The following ARPC1A variants were observed in gnomAD, a reference collection of about 807,000 sequenced individuals.
The protein encoded by ARPC1A is actin related protein 2/3 complex subunit 1A, also known as actin-related protein 2/3 complex subunit 1A.
A neutral mutation model predicts 46.9 loss-of-function variants in ARPC1A; 8 were observed. That is an observed-to-expected ratio of 0.17 (90% CI 0.10 to 0.31). The LOEUF is 0.31. ARPC1A is among the 10% of genes least tolerant of loss of function. ARPC1A has a pLI of 1.00. For synonymous variants in ARPC1A, 152 were observed against 169.0 expected, an observed-to-expected ratio of 0.90 and a Z score of 0.78; for missense variants, 286 against 483.6, an observed-to-expected ratio of 0.59 and a Z score of 3.83.
intron 3 of ARPC1A, among the ~76,000 whole-genome samples, chr7:99,338,991 G>A (rs1353771272): frequency 1.3e-5 from 2 of 152,150 alleles, no homozygotes; most frequent in Non-Finnish European, 2.9e-5. Context: ...AGAATATTGA[G>A]AAGAACAAAG....
intron 1 of ARPC1A, among the ~76,000 whole-genome samples, chr7:99,330,167 G>A (rs1793122453): frequency 6.6e-6 from 1 of 151,786 alleles, no homozygotes; most frequent in Non-Finnish European, 1.5e-5. Flanking sequence ...TTGCTTTCTC[G>A]ACTGTATAAA....
intron 6 of ARPC1A, 141 bp downstream of exon 6, chr7:99,354,262 C>T: frequency 1.0e-6 from 1 of 961,638 alleles, no homozygotes; most frequent in East Asian, 2.8e-5. Context: ...GTGGCTCACG[C>T]CTGTAATCCC....
intron 6 of ARPC1A, 81 bp from the exon 7 acceptor site, chr7:99,358,259 T>C: frequency 7.1e-7 from 1 of 1,399,676 alleles, no homozygotes; most frequent in Middle Eastern, 1.8e-4. Flanking sequence ...CCTGTGAGAA[T>C]GGGTCCTTTG....
intron 3 of ARPC1A, among the ~76,000 whole-genome samples, chr7:99,342,716 CTTTTTTT>C (rs555524613): frequency 2.9e-5 from 3 of 101,920 alleles, no homozygotes; most frequent in African/African-American, 9.6e-5. Flanking sequence ...CTTCATACTA[CTTTTTTT>C]TTTTTTTTTT....
At chr7:99,358,239 T>C (rs975666859) in intron 6 of ARPC1A, 101 bp from the exon 7 acceptor site, 83 of 1,174,698 alleles carry the variant, frequency 7.1e-5, no homozygotes, top group Non-Finnish European at 9.1e-5. Context: ...CCATTGATAC[T>C]GCAGAAGCCC....
intron 9 of ARPC1A, 105 bp from the exon 10 acceptor site, chr7:99,365,786 G>C: frequency 8.0e-7 from 1 of 1,246,726 alleles, no homozygotes; most frequent in Non-Finnish European, 1.1e-6. Flanking sequence ...CCAGGTTCAG[G>C]GTGGGGACAG....
chr7:99,338,424 C>T (rs1392469794), intron 3 of ARPC1A, 139 bp downstream of exon 3: 4 of 522,354 alleles, frequency 7.7e-6, no homozygotes, highest in East Asian at 3.7e-5. Context: ...ATCACTCTTT[C>T]GCCCAGGCTG....
chr7:99,366,010 G>A lies in ARPC1A; in HGVS notation c.*81G>A. 1 of 1,476,858 alleles carries A rather than the reference G, an allele frequency of 6.8e-7. No individual in the cohort carries two copies. Among genetic ancestry groups the A allele is most frequent in the Non-Finnish European group, 9.2e-7 (1 of 1,083,584 alleles). 91.5% of individuals were successfully genotyped at this position (1,476,858 alleles called of 1,614,324 possible). Reference sequence around the variant, plus strand: ...CCGTGGCACGATGGCGAGGAAGCCAGCCCCAAGGAAACACTGAAAACACAT... The same window carrying A: ...CCGTGGCACGATGGCGAGGAAGCCAACCCCAAGGAAACACTGAAAACACAT... On this transcript the variant is annotated 3_prime_UTR_variant, in exon 10 of 10. Coordinates refer to ENST00000262942, the MANE Select transcript of ARPC1A (RefSeq NM_006409.4).
intron 1 of ARPC1A, among the ~76,000 whole-genome samples, chr7:99,326,724 T>C (rs1793053876): frequency 6.6e-6 from 1 of 152,218 alleles, no homozygotes; most frequent in South Asian, 2.1e-4. Context: ...TTGCTTAGAA[T>C]AGTTCCTGGC....
intron 1 of ARPC1A, 147 bp from the exon 2 acceptor site, chr7:99,333,178 A>C: frequency 1.7e-6 from 1 of 605,422 alleles, no homozygotes; most frequent in Non-Finnish European, 2.9e-6. Flanking sequence ...TACAAGCGTG[A>C]GCCACCGTGC....
intron 3 of ARPC1A, among the ~76,000 whole-genome samples, chr7:99,338,531 A>G (rs1244122652): frequency 1.3e-5 from 2 of 151,654 alleles, no homozygotes; most frequent in East Asian, 3.9e-4. Flanking sequence ...GATTACAGGC[A>G]CGCGCCACTA....
chr7:99,355,520 G>A (rs1793613302), intron 6 of ARPC1A, among the ~76,000 whole-genome samples: 1 of 152,132 alleles, frequency 6.6e-6, no homozygotes, highest in Admixed American at 6.6e-5. Context: ...CAAGGTGGGT[G>A]GATCACTTGA....
chr7:99,326,403 G>A (rs930380739), intron 1 of ARPC1A, among the ~76,000 whole-genome samples: 1 of 152,170 alleles, frequency 6.6e-6, no homozygotes, highest in Admixed American at 6.5e-5. Flanking sequence ...TACAGTAGGC[G>A]CCCATAGGAT....
chr7:99,341,473 G>A (rs750505028), intron 3 of ARPC1A, among the ~76,000 whole-genome samples: 4 of 152,056 alleles, frequency 2.6e-5, no homozygotes, highest in Non-Finnish European at 5.9e-5. Flanking sequence ...GCTGGGCGTG[G>A]TGGCACATGC....
At chr7:99,360,257 C>T (rs740160) in intron 8 of ARPC1A, 13,144 of 162,694 alleles carry the variant, frequency 0.081, 737 homozygotes, top group African/African-American at 0.17. Flanking sequence ...AGGAGTGTCT[C>T]GACTGGGTTT....
At chr7:99,345,787 C>A (rs1180595771) in intron 4 of ARPC1A, among the ~76,000 whole-genome samples, 1 of 152,094 alleles carries the variant, frequency 6.6e-6, no homozygotes, top group Non-Finnish European at 1.5e-5. Context: ...GCAGAGTATA[C>A]ATGACTCTTT....
chr7:99,343,294 C>G (rs899872576), intron 3 of ARPC1A, among the ~76,000 whole-genome samples: 1 of 151,718 alleles, frequency 6.6e-6, no homozygotes, highest in Non-Finnish European at 1.5e-5. Flanking sequence ...GGTGAAACCC[C>G]GTCTCTACTA....
chr7:99,336,444 A>G (rs1793252619), intron 2 of ARPC1A, among the ~76,000 whole-genome samples: 1 of 145,484 alleles, frequency 6.9e-6, no homozygotes, highest in Non-Finnish European at 1.5e-5. Flanking sequence ...GGTGGGGACT[A>G]TTAATGACTG....
At chr7:99,328,309 C>A (rs909962283) in intron 1 of ARPC1A, among the ~76,000 whole-genome samples, 57 of 152,042 alleles carry the variant, frequency 3.7e-4, no homozygotes, top group African/African-American at 1.4e-3. Context: ...ACGGAGGTTG[C>A]GGTGAGCTGA....
Sources: allele counts gnomAD v4.1 joint callset (sites outside exome capture counted in the v4.1 genomes callset), GRCh38; gene constraint gnomAD v4.1.1; transcripts MANE v1.5; gene names NCBI Gene and HGNC (gene_info 2026-07-23, HGNC 2026-07-21).